Variants in UNC13D observed in about 807,000 individuals in gnomAD.
UNC13D encodes protein unc-13 homolog D.
In UNC13D, 115 loss-of-function variants were observed where a neutral mutation model predicts 151.7. The ratio of observed to expected loss-of-function variants is 0.76; its 90% CI spans 0.65 to 0.88. The LOEUF is 0.88. UNC13D is among the 40% of genes least tolerant of loss of function. The pLI, the probability that UNC13D is intolerant of heterozygous loss-of-function variation, is 0.00. For missense variants in UNC13D, 1,369 were observed against 1,438.7 expected (o/e 0.95, Z 0.78); for synonymous variants, 588 against 612.2 (o/e 0.96, Z 0.58).
chr17:75,836,468 C>T (rs757098947), intron 14 of UNC13D, 39 bp from the exon 15 acceptor site: 2 of 1,611,962 alleles, frequency 1.2e-6, no homozygotes, highest in South Asian at 1.1e-5. Flanking sequence ...GTGCCTGCTG[C>T]CCCACACTGC....
At chr17:75,838,923 AC>A (rs1188492681) in intron 12 of UNC13D, among the ~76,000 whole-genome samples, 12 of 151,806 alleles carry the variant, frequency 7.9e-5, no homozygotes, top group Non-Finnish European at 1.8e-4. Context: ...ACACGGTGAA[AC>A]CCCATCTCTA....
At chr17:75,841,113 T>G in intron 6 of UNC13D, 112 bp from the exon 7 acceptor site, 3 of 973,024 alleles carry the variant, frequency 3.1e-6, no homozygotes, top group Non-Finnish European at 1.6e-6. Flanking sequence ...CCTGCCAAAC[T>G]TCCCTCCTCC....
intron 5 of UNC13D, 113 bp downstream of exon 5, chr17:75,842,744 G>A (rs1158237287): frequency 1.9e-6 from 3 of 1,587,594 alleles, no homozygotes; most frequent in African/African-American, 1.3e-5. Flanking sequence ...TGGGGGGCCA[G>A]CGCTACAGGG....
chr17:75,843,117 G>A, intron 3 of UNC13D, 42 bp downstream of exon 3: 1 of 1,608,862 alleles, frequency 6.2e-7, no homozygotes. Context: ...GCACCAGACA[G>A]GGCAGCTGCA....
At chr17:75,830,172 G>A in intron 29 of UNC13D, 21 bp from the exon 30 acceptor site, 1 of 1,583,392 alleles carries the variant, frequency 6.3e-7, no homozygotes, top group Non-Finnish European at 8.6e-7. Flanking sequence ...GCCGGGGAGT[G>A]TGCGTCAGCT....
In UNC13D at chr17:75,840,945, C is replaced by T. The variant is rs1452665108; in HGVS notation, c.614+12G>A. On this transcript the variant is annotated intron_variant, in intron 7 of 31. Transcript: ENST00000207549. The surrounding 1 kb of genome is among the most constrained non-coding windows in gnomAD (Gnocchi z 4.6). ...TCCCTTCCCATCCCTAGGGGCAGGC[C>T]AGGTCACTCACCACATGTCCAGATG... 6.2e-7 allele frequency: 1 copy of T among 1,614,046 alleles called. No homozygotes were observed. Among genetic ancestry groups the T allele is most frequent in the East Asian group, 2.2e-5 (1 of 44,868 alleles).
rs776563028 is a variant in UNC13D at position 75,844,296 on chromosome 17, G to T, written c.42C>A (p.Phe14Leu). 6.2e-7 allele frequency: 1 copy of T among 1,612,858 alleles called. No individual in the cohort carries two copies. The highest frequency in any genetic ancestry group is 1.7e-5 in the Admixed American group (1 of 60,000). ...GCCTTATCTTGATGGCCTGGCGCAAGAAGGGAGGGCGCTGCTGCGGATGGG... is the reference window on the plus strand; with the variant it reads ...GCCTTATCTTGATGGCCTGGCGCAATAAGGGAGGGCGCTGCTGCGGATGGG... ...LLSHPQQRPP[F>L]LRQAIKIRRR... The change falls in exon 1 of 32, where the codon TTC (phenylalanine) becomes TTA (leucine). Residue 14 changes from phenylalanine to leucine, a missense_variant. By Grantham distance (22) the Phe-to-Leu change is conservative (BLOSUM62 0). Coordinates refer to ENST00000207549, the MANE Select transcript of UNC13D (RefSeq NM_199242.3).
rs1003280099 is a variant in UNC13D at position 75,836,267 on chromosome 17, A to C, written c.1390-11T>G. On this transcript the variant is annotated splice_polypyrimidine_tract_variant and intron_variant, in intron 15 of 31. Transcript: ENST00000207549. ...TTCAGTGGTGCCAGTCTGTCGACAA[A>C]GAGGCAGTGAGCAGGGAGGGACTGC... is the stretch of plus-strand genomic sequence containing the variant. 1.2e-6 allele frequency: 2 copies of C among 1,612,918 alleles called. No homozygotes were observed. The highest frequency in any genetic ancestry group is 1.7e-6 in the Non-Finnish European group (2 of 1,179,650).
In UNC13D at chr17:75,844,395, A is replaced by G; in HGVS notation, c.-58T>C. Reference sequence around the variant, plus strand: ...TGCTGGGTGAAGACAGCGAAGCCACAGGATTATGCAAAGAGCCTGGGGCTG... The same window carrying G: ...TGCTGGGTGAAGACAGCGAAGCCACGGGATTATGCAAAGAGCCTGGGGCTG... On this transcript the variant is annotated 5_prime_UTR_variant, in exon 1 of 32. Transcript: ENST00000207549. 6.5e-7 allele frequency: 1 copy of G among 1,538,806 alleles called. No individual in the cohort carries two copies. Among genetic ancestry groups the G allele is most frequent in the Non-Finnish European group, 8.8e-7 (1 of 1,137,206 alleles).
Position 75,840,698 on chromosome 17 carries a change from C to T in UNC13D, c.683+64G>A, listed in dbSNP as rs1322677408. On this transcript the variant is annotated intron_variant, in intron 8 of 31. Transcript: ENST00000207549. This position sits in a 1 kb window ranked among gnomAD's most constrained non-coding sequence, Gnocchi z 4.6. Reference sequence around the variant, plus strand: ...AGCCTGCACCCCAGCATCCAGTGTGCATGTTGGGGGATGGAGGGCAAAAGG... The same window carrying T: ...AGCCTGCACCCCAGCATCCAGTGTGTATGTTGGGGGATGGAGGGCAAAAGG... The T allele has an allele frequency of 6.2e-7, 1 of 1,609,362 alleles. No individual in the cohort carries two copies. The highest frequency in any genetic ancestry group is 8.5e-7 in the Non-Finnish European group (1 of 1,176,060).
In UNC13D at chr17:75,836,180, C is replaced by T; in HGVS notation, c.1446+20G>A. The T allele has an allele frequency of 6.2e-7, 1 of 1,610,318 alleles. No homozygotes were observed. Among genetic ancestry groups the T allele is most frequent in the Non-Finnish European group, 8.5e-7 (1 of 1,178,942 alleles). ...CCACCCCCCGTGACCCCCTGCCCTC[C>T]CCCTTGCCCAGCCCCTCACCTGCAC... On this transcript the variant is annotated intron_variant, in intron 16 of 31. Transcript: ENST00000207549.
chr17:75,842,329 C>A lies in UNC13D; in HGVS notation c.569+104G>T. On this transcript the variant is annotated intron_variant, in intron 6 of 31. Coordinates refer to ENST00000207549, the MANE Select transcript of UNC13D (RefSeq NM_199242.3). ...CTCTAGTCTTTGCCCAGGGCCAAAC[C>A]CCCTCCCCTGAGCCAGGACGACCTA... The A allele has an allele frequency of 4.1e-6, 6 of 1,481,312 alleles. No homozygotes were observed. In the South Asian group the frequency reaches 8.0e-5, roughly 20 times the overall value. The allele number at this position is 1,481,312 out of a possible 1,614,324, so 91.8% of individuals were successfully genotyped here.
Position 75,836,801 on chromosome 17 carries a change from C to A in UNC13D, c.1173G>T (p.Gln391His). The change falls in exon 13 of 32, where the codon CAG (glutamine) becomes CAT (histidine). Residue 391 changes from glutamine (Q) to histidine (H), a missense_variant and splice_region_variant. By Grantham distance (24) the Gln-to-His change is conservative. Coordinates refer to ENST00000207549, the MANE Select transcript of UNC13D (RefSeq NM_199242.3). ...QWIQGRLKAE[Q>H]QEELAASFSS... Reference sequence around the variant, plus strand: ...GTGCCCCTTGCCACTGCATGCCTACCTGTTCTGCCTTGAGCCGACCCTGGA... The same window carrying A: ...GTGCCCCTTGCCACTGCATGCCTACATGTTCTGCCTTGAGCCGACCCTGGA... The A allele has an allele frequency of 6.2e-7, 1 of 1,613,918 alleles. No homozygotes were observed. Among genetic ancestry groups the A allele is most frequent in the Non-Finnish European group, 8.5e-7 (1 of 1,180,034 alleles).
rs3744006 is a variant in UNC13D at position 75,842,735 on chromosome 17, G to A, written c.388+122C>T. On this transcript the variant is annotated intron_variant, in intron 5 of 31. Transcript: ENST00000207549. ...GGAGAGGGAAGGGGACCAGCAGCATGGGGGGCCAGCGCTACAGGGCTTCTT... is the reference window on the plus strand; with the variant it reads ...GGAGAGGGAAGGGGACCAGCAGCATAGGGGGCCAGCGCTACAGGGCTTCTT... The A allele has an allele frequency of 0.35, 554,553 of 1,588,172 alleles. 106,781 individuals are homozygous for A. The highest frequency in any genetic ancestry group is 0.81 in the African/African-American group (59,961 of 74,436).
In UNC13D at chr17:75,836,325, C is replaced by T. The variant is rs113956688; in HGVS notation, c.1389+14G>A. ...AGGCGCTGGTCTCCCCCATCCCCAGCGCGAGTACCATACCTGCAGGGCCTC... is the reference window on the plus strand; with the variant it reads ...AGGCGCTGGTCTCCCCCATCCCCAGTGCGAGTACCATACCTGCAGGGCCTC... On this transcript the variant is annotated intron_variant, in intron 15 of 31. Coordinates refer to ENST00000207549, the MANE Select transcript of UNC13D (RefSeq NM_199242.3). 1.8e-4 allele frequency: 297 copies of T among 1,613,722 alleles called. No homozygotes were observed. The African/African-American group carries it at 2.0e-3, about 11-fold the overall frequency.
At position 75,828,912 on chromosome 17, in the gene UNC13D, A is replaced by G; in HGVS notation, c.3026T>C (p.Leu1009Pro). The G allele has an allele frequency of 6.2e-7, 1 of 1,607,202 alleles. No individual in the cohort carries two copies. Among genetic ancestry groups the G allele is most frequent in the East Asian group, 2.2e-5 (1 of 44,860 alleles). ...LLLTVLDYDT[L>P]GADDLEGEAF... is the part of the protein sequence containing the mutation. The stretch of plus-strand genomic sequence containing the variant: ...CTCGCCTTCCAGGTCGTCGGCCCCC[A>G]GCGTGTCGTAGTCCAGCACGGTGAG... The change falls in exon 31 of 32, where the codon CTG becomes CCG. Residue 1009 changes from leucine to proline, a missense_variant. Coordinates refer to ENST00000207549, the MANE Select transcript of UNC13D (RefSeq NM_199242.3).
chr17:75,833,227 C>A lies in UNC13D; in HGVS notation c.2368-182G>T. The A allele has an allele frequency of 1.7e-6, 1 of 583,954 alleles. No individual in the cohort carries two copies. The allele number at this position is 583,954 out of a possible 1,614,324, so 36.2% of individuals were successfully genotyped here. A position where few individuals can be genotyped will look rare whatever the true frequency, so the allele number is the denominator to read the frequency against. On this transcript the variant is annotated intron_variant, in intron 24 of 31. Coordinates refer to ENST00000207549, the MANE Select transcript of UNC13D (RefSeq NM_199242.3). This position sits in a 1 kb window ranked among gnomAD's most constrained non-coding sequence, Gnocchi z 4.0. ...TTCCCCTCTCCGTTGCTCAGCCTGT[C>A]CCAGCCACACTGGCCTCCTCTACAG...
Position 75,830,435 on chromosome 17 carries a change from G to A in UNC13D, c.2757C>T (p.Ser919=). 6.3e-7 allele frequency: 1 copy of A among 1,586,136 alleles called. No individual in the cohort carries two copies. The highest frequency in any genetic ancestry group is 8.6e-7 in the Non-Finnish European group (1 of 1,167,288). Residue 919 remains serine (S), a synonymous_variant, in exon 29 of 32, where the codon TCC becomes TCT. Coordinates refer to ENST00000207549, the MANE Select transcript of UNC13D (RefSeq NM_199242.3). ...GCAGCTTCTGCTCAGAGGCGCGGTA[G>A]GAGGCCTTGACTGTCACAGCCCCCA... ...EELGAVTVKA[S]YRASEQKLRV...
rs1459302169 is a variant in UNC13D at position 75,836,379 on chromosome 17, T to C, written c.1349A>G (p.Asn450Ser). Residue 450 changes from asparagine to serine, a missense_variant, in exon 15 of 32, where the codon AAC becomes AGC. Around this residue, in one of 3 missense-constraint regions of UNC13D, gnomAD observed 550 missense variants for 609.0 expected, o/e 0.90. Coordinates refer to ENST00000207549, the MANE Select transcript of UNC13D (RefSeq NM_199242.3). Reference protein sequence around the residue: ...KMKAFGELCPNTAPLPQLVTE... With the variant: ...KMKAFGELCPSTAPLPQLVTE... ...CACCAGCTGGGGCAATGGGGCGGTG[T>C]TGGGGCACAGTTCTCCAAAGGCCTT... The C allele has an allele frequency of 6.2e-6, 10 of 1,613,868 alleles. No individual in the cohort carries two copies. The highest frequency in any genetic ancestry group is 8.5e-6 in the Non-Finnish European group (10 of 1,180,016).
Sources: gnomAD v4.1 joint callset for allele counts (sites outside exome capture counted in the v4.1 genomes callset) on GRCh38, gnomAD v4.1.1 for gene constraint, gnomAD v4.1.1 regional missense constraint, Gnocchi (gnomAD v3.1) non-coding constraint, MANE v1.5 for transcripts, NCBI Gene and HGNC (gene_info 2026-07-23, HGNC 2026-07-21) for gene names.